CAD: variants seen among roughly 807,000 people sequenced by gnomAD.
The protein encoded by CAD is carbamoyl-phosphate synthetase 2, aspartate transcarbamylase, and dihydroorotase.
A neutral mutation model predicts 237.2 loss-of-function variants in CAD; 81 were observed. The observed-to-expected ratio is 0.34, with a 90% CI of 0.29 to 0.41. CAD has a LOEUF of 0.41. Among genes scored for constraint, CAD ranks in the 10% least tolerant of loss-of-function variants. CAD has a pLI of 1.00. For missense variants in CAD, 2,181 were observed against 2,951.7 expected (o/e 0.74, Z 6.05); for synonymous variants, 1,196 against 1,162.8 (o/e 1.03, Z -0.58).
At chr2:27,223,789 G>A in intron 7 of CAD, 41 bp downstream of exon 7, 1 of 1,605,976 alleles carries the variant, frequency 6.2e-7, no homozygotes, top group Non-Finnish European at 8.5e-7. Flanking sequence ...TTGAAGCCCT[G>A]TGGGCCTTGA....
chr2:27,221,321 A>G lies in CAD; in HGVS notation c.326A>G (p.Gln109Arg). ...ACCCGCACCCTGCATGAGTGGCTGC[A>G]GCAGCATGGCATCCCTGGCTTGCAA... Reference protein sequence around the residue: ...SATRTLHEWLQQHGIPGLQGV... With the variant: ...SATRTLHEWLRQHGIPGLQGV... The change falls in exon 3 of 44, where the codon CAG (glutamine) becomes CGG (arginine). Residue 109 changes from glutamine (Q) to arginine (R), a missense_variant. Physicochemically the swap from Gln to Arg is conservative, Grantham distance 43. Around this residue, in one of 12 missense-constraint regions of CAD, gnomAD observed 314 missense variants for 339.4 expected, o/e 0.93. Transcript: ENST00000264705. 1 of 1,580,862 alleles carries G rather than the reference A, an allele frequency of 6.3e-7. No individual in the cohort carries two copies. Among genetic ancestry groups the G allele is most frequent in the Non-Finnish European group, 8.6e-7 (1 of 1,164,468 alleles).
chr2:27,225,954 C>A, intron 12 of CAD, 28 bp downstream of exon 12: 1 of 1,599,972 alleles, frequency 6.3e-7, no homozygotes, highest in South Asian at 1.1e-5. Context: ...GGGTGGGCGT[C>A]GTGTCAGGCA....
Position 27,222,925 on chromosome 2 carries a change from G to C in CAD, c.697G>C (p.Val233Leu), listed in dbSNP as rs146747331. 5.6e-6 allele frequency: 9 copies of C among 1,613,954 alleles called. No individual in the cohort carries two copies. The African/African-American group carries it at 1.1e-4, about 19-fold the overall frequency. Residue 233 changes from valine to leucine, a missense_variant, in exon 6 of 44, where the codon GTA (valine) becomes CTA (leucine). By Grantham distance (32) the Val-to-Leu change is conservative (BLOSUM62 1). This residue lies in a region of CAD where 314 missense variants were observed against 339.4 expected (regional missense o/e 0.93). Transcript: ENST00000264705. ...TGACCCTGCCTCCTATCCCAGTGTCGTATCCACACTGAGCCGTGTTTTATC... is the reference window on the plus strand; with the variant it reads ...TGACCCTGCCTCCTATCCCAGTGTCCTATCCACACTGAGCCGTGTTTTATC... ...PGDPASYPSV[V>L]STLSRVLSEP...
intron 16 of CAD, 71 bp downstream of exon 16, chr2:27,231,651 CT>C: frequency 1.1e-6 from 1 of 930,534 alleles, no homozygotes; most frequent in Admixed American, 2.1e-5. Flanking sequence ...AGACCATGAG[CT>C]TGTTACCAGT....
Position 27,239,136 on chromosome 2 carries a change from C to G in CAD, c.5157C>G (p.Ser1719Arg), listed in dbSNP as rs142962901. Residue 1719 changes from serine to arginine, a missense_variant, in exon 32 of 44, where the codon AGC (serine) becomes AGG (arginine). This residue lies in a region of CAD where 478 missense variants were observed against 515.0 expected (regional missense o/e 0.93). Coordinates refer to ENST00000264705, the MANE Select transcript of CAD (RefSeq NM_004341.5). This position sits in a 1 kb window ranked among gnomAD's most constrained non-coding sequence, Gnocchi z 4.0. The stretch of plus-strand genomic sequence containing the variant: ...TGCCACTACTCCTGACGGCTGTAAG[C>G]GAGGGCCGGCTCAGCCTGGACGACC... Reference protein sequence around the residue: ...TMLPLLLTAVSEGRLSLDDLL... With the variant: ...TMLPLLLTAVREGRLSLDDLL... 1 of 1,613,416 alleles carries G rather than the reference C, an allele frequency of 6.2e-7. No homozygotes were observed. Among genetic ancestry groups the G allele is most frequent in the South Asian group, 1.1e-5 (1 of 90,958 alleles).
In CAD at chr2:27,226,843, CA is replaced by C; in HGVS notation, c.2169del (p.Gly725ValfsTer14). On this transcript the variant is annotated frameshift_variant, in exon 15 of 44. Coordinates refer to ENST00000264705, the MANE Select transcript of CAD (RefSeq NM_004341.5). LOFTEE classifies it high-confidence loss of function. ...CTGCTGGACCCCAGGAACTCTGTGA[CA>C]GGGGGTACAGCAGCCTTTGAACCCA... ...IPLPELRNSVTGGTAAFEPSV... is the reference protein window; with the variant it reads ...IPLPELRNSVXGGTAAFEPSV... The C allele has an allele frequency of 6.2e-7, 1 of 1,614,194 alleles. No individual in the cohort carries two copies. The highest frequency in any genetic ancestry group is 8.5e-7 in the Non-Finnish European group (1 of 1,180,016).
rs114579980 is a variant in CAD, at chr2:27,225,604, G to T, written c.1621-101G>T. The T allele has an allele frequency of 1.6e-3, 1,455 of 916,900 alleles. 13 individuals carry two copies. In the African/African-American group the frequency reaches 0.022, roughly 14 times the overall value. 56.8% of individuals were successfully genotyped at this position (916,900 alleles called of 1,614,324 possible). A position where few individuals can be genotyped will look rare whatever the true frequency, so the allele number is the denominator to read the frequency against. On this transcript the variant is annotated intron_variant, in intron 11 of 43. Coordinates refer to ENST00000264705, the MANE Select transcript of CAD (RefSeq NM_004341.5). The stretch of plus-strand genomic sequence containing the variant: ...TGGGGTTACAGGCGTGAGCCACTAT[G>T]CCCAGCCATGTTATTTTCTTTATAT...
chr2:27,226,052 G>A (rs1675432790), intron 12 of CAD, 79 bp from the exon 13 acceptor site: 6 of 1,491,896 alleles, frequency 4.0e-6, no homozygotes, highest in East Asian at 2.3e-5. Flanking sequence ...AGCCCCAGAG[G>A]TAACAGGACC....
chr2:27,233,207 A>G lies in CAD; in HGVS notation c.2991+67A>G. ...GTCGAGTAGAACAGCTGGCTGACCT[A>G]AGATTCTTTGAAACTTGGTGGCGGC... On this transcript the variant is annotated intron_variant, in intron 19 of 43. Transcript: ENST00000264705. This position sits in a 1 kb window ranked among gnomAD's most constrained non-coding sequence, Gnocchi z 6.3. 22 of 1,513,482 alleles carry G rather than the reference A, an allele frequency of 1.5e-5. No homozygotes were observed. The highest frequency in any genetic ancestry group is 1.7e-5 in the Non-Finnish European group (18 of 1,089,524). 93.8% of individuals were successfully genotyped at this position (1,513,482 alleles called of 1,614,324 possible).
intron 16 of CAD, 123 bp downstream of exon 16, chr2:27,231,703 C>A (rs1357809860): frequency 3.4e-5 from 24 of 705,600 alleles, no homozygotes; most frequent in Non-Finnish European, 5.3e-5. Flanking sequence ...GCTTTGTTTC[C>A]ACTTTGCTGA....
intron 15 of CAD, among the ~76,000 whole-genome samples, chr2:27,228,589 T>TTTTG (rs147722146): frequency 4.9e-4 from 75 of 152,156 alleles, no homozygotes; most frequent in Admixed American, 2.9e-3. Flanking sequence ...ACCCTGTCTT[T>TTTTG]TTTGTTTGTT....
rs545531720 is a variant in CAD at position 27,228,316 on chromosome 2, T to C, written c.2287+1354T>C. Reference sequence around the variant, plus strand: ...TTAGAAGGTTGCTTAAACTTTGTATTATGAAGCACAGACTTCTATAAAGTT... The same window carrying C: ...TTAGAAGGTTGCTTAAACTTTGTATCATGAAGCACAGACTTCTATAAAGTT... On this transcript the variant is annotated intron_variant, in intron 15 of 43. Coordinates refer to ENST00000264705, the MANE Select transcript of CAD (RefSeq NM_004341.5). Among the ~76,000 whole-genome samples the C allele has an allele frequency of 6.6e-5, 10 of 152,348 alleles. No individual in the cohort carries two copies. In the South Asian group the frequency reaches 1.2e-3, roughly 19 times the overall value.
Position 27,236,837 on chromosome 2 carries a change from C to T in CAD, c.4396+7C>T, listed in dbSNP as rs577105107. 2.5e-6 allele frequency: 4 copies of T among 1,613,386 alleles called. No homozygotes were observed. The highest frequency in any genetic ancestry group is 3.4e-6 in the Non-Finnish European group (4 of 1,179,508). On this transcript the variant is annotated splice_region_variant and intron_variant, in intron 27 of 43. Transcript: ENST00000264705. The surrounding 1 kb of genome is among the most constrained non-coding windows in gnomAD (Gnocchi z 4.1). ...AAGCTTGTGCGACTGCCGGGTAAGTCTTTGGGGAGAACTTGGCTTCTGAAC... is the reference window on the plus strand; with the variant it reads ...AAGCTTGTGCGACTGCCGGGTAAGTTTTTGGGGAGAACTTGGCTTCTGAAC...
chr2:27,222,752 G>T (rs2148060026), intron 5 of CAD, 92 bp downstream of exon 5: 1 of 1,576,776 alleles, frequency 6.3e-7, no homozygotes, highest in Non-Finnish European at 8.7e-7. Context: ...AGTAGGAGTT[G>T]CAGTGAAGAA....
chr2:27,231,568 A>G lies in CAD; in HGVS notation c.2388A>G (p.Pro796=), dbSNP rs1159645971. Reference sequence around the variant, plus strand: ...TGGGCTTTGATCACACAGTGAAACCAGTCAGCGATATGGTAAGTAGCTCCC... The same window carrying G: ...TGGGCTTTGATCACACAGTGAAACCGGTCAGCGATATGGTAAGTAGCTCCC... ...NCVGFDHTVK[P]VSDMELETPT... is the part of the protein sequence containing the mutation. Residue 796 remains proline, a synonymous_variant, in exon 16 of 44, where the codon CCA becomes CCG. Transcript: ENST00000264705. 3.1e-6 allele frequency: 5 copies of G among 1,609,654 alleles called. No individual in the cohort carries two copies. Among genetic ancestry groups the G allele is most frequent in the African/African-American group, 1.3e-5 (1 of 74,926 alleles).
Position 27,239,505 on chromosome 2 carries a change from GCCC to G in CAD, c.5394+35_5394+37del, listed in dbSNP as rs762727257. On this transcript the variant is annotated intron_variant, in intron 33 of 43. Coordinates refer to ENST00000264705, the MANE Select transcript of CAD (RefSeq NM_004341.5). The surrounding 1 kb of genome is among the most constrained non-coding windows in gnomAD (Gnocchi z 4.0). The stretch of plus-strand genomic sequence containing the variant: ...GTAGCCCCTGCCTGATCTCAGTAGT[GCCC>G]TCTTCTGCACCACGTTCATTTCTTC... The G allele has an allele frequency of 6.2e-7, 1 of 1,606,260 alleles. No homozygotes were observed. The highest frequency in any genetic ancestry group is 1.3e-5 in the African/African-American group (1 of 74,738).
At position 27,239,787 on chromosome 2, in the gene CAD, G is replaced by A; in HGVS notation, c.5485G>A (p.Glu1829Lys). 6.4e-7 allele frequency: 1 copy of A among 1,560,428 alleles called. No homozygotes were observed. ...QLPPSAPATS[E>K]MTTTPERPRR... Reference sequence around the variant, plus strand: ...CCCACCCTCAGCCCCTGCCACTAGTGAGATGACCACGGTATCCACACTACT... The same window carrying A: ...CCCACCCTCAGCCCCTGCCACTAGTAAGATGACCACGGTATCCACACTACT... Residue 1829 changes from glutamate to lysine, a missense_variant, in exon 34 of 44, where the codon GAG (glutamate) becomes AAG (lysine). By Grantham distance (56) the Glu-to-Lys change is moderately conservative. Coordinates refer to ENST00000264705, the MANE Select transcript of CAD (RefSeq NM_004341.5). The surrounding 1 kb of genome is among the most constrained non-coding windows in gnomAD (Gnocchi z 4.0).
chr2:27,239,272 GCCCTA>G lies in CAD; in HGVS notation c.5253+41_5253+45del, dbSNP rs760434650. Reference sequence around the variant, plus strand: ...CCCAGAGCAGGAGGGGGGCTCTCCAGCCCTAGGATATGTTCTCTGGGGATCCTTTC... The same window carrying G: ...CCCAGAGCAGGAGGGGGGCTCTCCAGGGATATGTTCTCTGGGGATCCTTTC... On this transcript the variant is annotated intron_variant, in intron 32 of 43. Transcript: ENST00000264705. This position sits in a 1 kb window ranked among gnomAD's most constrained non-coding sequence, Gnocchi z 4.0. 1.1e-5 allele frequency: 17 copies of G among 1,602,530 alleles called. No individual in the cohort carries two copies. In the Admixed American group the frequency reaches 2.0e-4, roughly 19 times the overall value.
In CAD at chr2:27,232,594, G is replaced by A. The variant is rs773681799; in HGVS notation, c.2792G>A (p.Arg931Gln). The change falls in exon 18 of 44, where the codon CGA (arginine) becomes CAA (glutamine). Residue 931 changes from arginine to glutamine, a missense_variant. This residue lies in a region of CAD where 385 missense variants were observed against 535.1 expected (regional missense o/e 0.72). Coordinates refer to ENST00000264705, the MANE Select transcript of CAD (RefSeq NM_004341.5). The surrounding 1 kb of genome is among the most constrained non-coding windows in gnomAD (Gnocchi z 4.1). Reference sequence around the variant, plus strand: ...GGCACCACCCATGACCTCACCTTTCGAACACCTCATGTCCTAGTCCTTGGC... The same window carrying A: ...GGCACCACCCATGACCTCACCTTTCAAACACCTCATGTCCTAGTCCTTGGC... ...YWGTTHDLTF[R>Q]TPHVLVLGSG... is the part of the protein sequence containing the mutation. 15 of 1,613,988 alleles carry A rather than the reference G, an allele frequency of 9.3e-6. No individual in the cohort carries two copies. Among genetic ancestry groups the A allele is most frequent in the South Asian group, 5.5e-5 (5 of 91,058 alleles).
Sources: allele counts gnomAD v4.1 joint callset (sites outside exome capture counted in the v4.1 genomes callset), GRCh38; gene constraint gnomAD v4.1.1; regional missense constraint gnomAD v4.1.1; non-coding constraint Gnocchi (gnomAD v3.1); transcripts MANE v1.5; gene names NCBI Gene and HGNC (gene_info 2026-07-23, HGNC 2026-07-21).